TSPAN15: variants seen among roughly 807,000 people sequenced by gnomAD.
TSPAN15 encodes tetraspanin-15.
In TSPAN15, 20 loss-of-function variants were observed where a neutral mutation model predicts 34.5. That is an observed-to-expected ratio of 0.58 (90% CI 0.41 to 0.84). TSPAN15 has a LOEUF of 0.84. Ranked by LOEUF, TSPAN15 falls within the 40% of genes least tolerant of loss-of-function variation. The pLI, the probability that TSPAN15 is intolerant of heterozygous loss-of-function variation, is 0.00. For synonymous variants in TSPAN15, 155 were observed against 153.9 expected, an observed-to-expected ratio of 1.01 and a Z score of -0.05; for missense variants, 313 against 386.1, an observed-to-expected ratio of 0.81 and a Z score of 1.59.
intron 1 of TSPAN15, among the ~76,000 whole-genome samples, chr10:69,463,769 T>C (rs1241473290): frequency 1.5e-4 from 22 of 144,968 alleles, no homozygotes; most frequent in Admixed American, 1.3e-3. Flanking sequence ...GAGATGGCGC[T>C]ACTGCACTCC....
the TSPAN15 span, among the ~76,000 whole-genome samples, chr10:69,541,344 T>C: frequency 6.6e-6 from 1 of 152,146 alleles, no homozygotes; most frequent in Non-Finnish European, 1.5e-5. Context: ...GGAGATCATT[T>C]TGGAACTTTA....
At chr10:69,486,871 G>C (rs1361051091) in intron 3 of TSPAN15, among the ~76,000 whole-genome samples, 1 of 152,232 alleles carries the variant, frequency 6.6e-6, no homozygotes, top group Non-Finnish European at 1.5e-5. Flanking sequence ...TATTCCATTT[G>C]CCCATGAGGC....
chr10:69,536,353 T>C, the TSPAN15 span, among the ~76,000 whole-genome samples: 1 of 152,162 alleles, frequency 6.6e-6, no homozygotes, highest in African/African-American at 2.4e-5. Flanking sequence ...ATAGTATTTT[T>C]TGGCCATCTT....
At chr10:69,477,615 C>T (rs766409580) in intron 1 of TSPAN15, among the ~76,000 whole-genome samples, 1 of 152,208 alleles carries the variant, frequency 6.6e-6, no homozygotes, top group Non-Finnish European at 1.5e-5. Flanking sequence ...GCTTGCTAGC[C>T]ACACGTGGCT....
At chr10:69,469,652 A>G (rs1841464879) in intron 1 of TSPAN15, among the ~76,000 whole-genome samples, 1 of 152,182 alleles carries the variant, frequency 6.6e-6, no homozygotes, top group Admixed American at 6.5e-5. Flanking sequence ...ATTACTTTTA[A>G]TAATAATATT....
chr10:69,500,113 A>G (rs1842173587), intron 5 of TSPAN15, among the ~76,000 whole-genome samples: 1 of 152,140 alleles, frequency 6.6e-6, no homozygotes, highest in African/African-American at 2.4e-5. Flanking sequence ...ATATGCAGTG[A>G]TCCAGGGGTC....
chr10:69,499,996 G>A lies in TSPAN15; in HGVS notation c.570+1600G>A, dbSNP rs539918217. 5.9e-5 allele frequency among the ~76,000 whole-genome samples: 9 copies of A among 152,220 alleles called. No individual in the cohort carries two copies. In the South Asian group the frequency reaches 1.9e-3, roughly 32 times the overall value. On this transcript the variant is annotated intron_variant, in intron 5 of 7. Coordinates refer to ENST00000373290, the MANE Select transcript of TSPAN15 (RefSeq NM_012339.5). ...GGACTGTGGGGCACCCTTGAGTGATGGACCATACAGGGCTGCATGGAAGAG... is the reference window on the plus strand; with the variant it reads ...GGACTGTGGGGCACCCTTGAGTGATAGACCATACAGGGCTGCATGGAAGAG...
intron 1 of TSPAN15, among the ~76,000 whole-genome samples, chr10:69,455,452 G>A (rs542963566): frequency 1.5e-4 from 23 of 152,226 alleles, no homozygotes; most frequent in Non-Finnish European, 2.5e-4. Flanking sequence ...TTCCACTCTA[G>A]GCTATGCCAC....
rs779807675 is a variant in TSPAN15, at chr10:69,506,837, G to A, written c.744G>A (p.Gly248=). The A allele has an allele frequency of 1.1e-5, 18 of 1,583,102 alleles. No homozygotes were observed. The highest frequency in any genetic ancestry group is 2.7e-5 in the African/African-American group (2 of 74,538). Residue 248 remains glycine (G), a synonymous_variant, in exon 8 of 8, where the codon GGG becomes GGA. Transcript: ENST00000373290. The surrounding 1 kb of genome is among the most constrained non-coding windows in gnomAD (Gnocchi z 4.7). ...LLGILLPQFL[G]VLLTLLYITR... is the part of the protein sequence containing the mutation. ...CTGCCCCTTCTTCTCAGTTCCTGGGGGTGCTGCTGACGCTGCTGTACATCA... is the reference window on the plus strand; with the variant it reads ...CTGCCCCTTCTTCTCAGTTCCTGGGAGTGCTGCTGACGCTGCTGTACATCA...
chr10:69,464,630 C>T (rs989095564), intron 1 of TSPAN15, among the ~76,000 whole-genome samples: 9 of 152,224 alleles, frequency 5.9e-5, no homozygotes, highest in Non-Finnish European at 1.3e-4. Flanking sequence ...GTGGGATTCC[C>T]TGACAGCTTC....
the TSPAN15 span, among the ~76,000 whole-genome samples, chr10:69,524,483 C>G: frequency 1.4e-5 from 2 of 146,942 alleles, no homozygotes; most frequent in Non-Finnish European, 3.0e-5. Flanking sequence ...AAACAAAAAA[C>G]AAACAAACAA....
intron 5 of TSPAN15, among the ~76,000 whole-genome samples, chr10:69,500,358 T>G (rs571037061): frequency 1.3e-5 from 2 of 152,272 alleles, no homozygotes; most frequent in South Asian, 4.1e-4. Context: ...AGTCCAGTGG[T>G]CCACCCAAGA....
chr10:69,481,686 G>A (rs1300232383), intron 1 of TSPAN15, among the ~76,000 whole-genome samples: 1 of 152,206 alleles, frequency 6.6e-6, no homozygotes, highest in East Asian at 1.9e-4. Context: ...GGGTGGCTAT[G>A]CTCATGTCAC....
the TSPAN15 span, among the ~76,000 whole-genome samples, chr10:69,529,022 C>T: frequency 6.7e-6 from 1 of 148,280 alleles, no homozygotes; most frequent in Non-Finnish European, 1.5e-5. Flanking sequence ...GAATCCGCCC[C>T]CTTCTGCCCA....
At chr10:69,478,573 G>T (rs1841665370) in intron 1 of TSPAN15, among the ~76,000 whole-genome samples, 1 of 152,068 alleles carries the variant, frequency 6.6e-6, no homozygotes, top group South Asian at 2.1e-4. Context: ...TCCATGGCAG[G>T]AATGATATTT....
the TSPAN15 span, among the ~76,000 whole-genome samples, chr10:69,546,212 C>T: frequency 7.2e-5 from 11 of 152,194 alleles, no homozygotes; most frequent in Admixed American, 2.0e-4. Flanking sequence ...TAGGGGCCCA[C>T]CCAGGGCTTC....
chr10:69,507,852 TACCG>T (rs1842368845), downstream of TSPAN15, among the ~76,000 whole-genome samples: 1 of 151,070 alleles, frequency 6.6e-6, no homozygotes, highest in Non-Finnish European at 1.5e-5. Flanking sequence ...ACGCCTATTT[TACCG>T]AGAACCGAGG....
At chr10:69,531,483 C>T in the TSPAN15 span, among the ~76,000 whole-genome samples, 82 of 152,196 alleles carry the variant, frequency 5.4e-4, no homozygotes, top group East Asian at 0.016. Flanking sequence ...CCTGTAGTCC[C>T]AGCTACTCAG....
At chr10:69,511,178 A>G (rs550121252), downstream of TSPAN15, among the ~76,000 whole-genome samples, 1 of 152,350 alleles carries the variant, frequency 6.6e-6, no homozygotes, top group South Asian at 2.1e-4. Flanking sequence ...TACCTCTGGT[A>G]GAATTTGGCT....
Sources: gnomAD v4.1 joint callset for allele counts (sites outside exome capture counted in the v4.1 genomes callset) on GRCh38, gnomAD v4.1.1 for gene constraint, Gnocchi (gnomAD v3.1) non-coding constraint, MANE v1.5 for transcripts, NCBI Gene and HGNC (gene_info 2026-07-23, HGNC 2026-07-21) for gene names.